Variants in TLN2 observed in about 807,000 individuals in gnomAD.
The protein encoded by TLN2 is talin-2.
In TLN2, 118 loss-of-function variants were observed where a neutral mutation model predicts 294.7. The observed-to-expected ratio is 0.40, with a 90% CI of 0.34 to 0.47. TLN2 has a LOEUF of 0.47. TLN2 is among the 20% of genes least tolerant of loss of function. The probability of loss-of-function intolerance (pLI) is 0.84; values close to 1 mark genes in which losing one functional copy is unlikely to be tolerated. For synonymous variants in TLN2, 1,431 were observed against 1,304.5 expected (o/e 1.10, Z -2.09); for missense variants, 3,083 against 3,282.2 (o/e 0.94, Z 1.48).
chr15:62,755,218 T>C (rs1005612518), intron 36 of TLN2: 11 of 243,374 alleles, frequency 4.5e-5, no homozygotes, highest in African/African-American at 2.3e-4. Context: ...TTGGTCTAGA[T>C]GCTATACCCT....
intron 1 of TLN2, among the ~76,000 whole-genome samples, chr15:62,556,925 GA>G (rs1400494342): frequency 2.6e-5 from 4 of 152,156 alleles, no homozygotes; most frequent in South Asian, 2.1e-4. Context: ...GTAATCAGGG[GA>G]AAATATTTAA....
intron 1 of TLN2, among the ~76,000 whole-genome samples, chr15:62,491,344 A>G (rs957154156): frequency 2.8e-5 from 3 of 106,464 alleles, no homozygotes; most frequent in African/African-American, 9.3e-5. Context: ...AAAAATATAT[A>G]TATATATACA....
intron 1 of TLN2, among the ~76,000 whole-genome samples, chr15:62,407,283 A>G (rs955375): frequency 2.0e-5 from 3 of 152,164 alleles, no homozygotes; most frequent in Non-Finnish European, 2.9e-5. Context: ...TGTATACTAA[A>G]TAGTAGATAA....
At chr15:62,578,068 C>T (rs951642255) in intron 1 of TLN2, among the ~76,000 whole-genome samples, 5 of 152,182 alleles carry the variant, frequency 3.3e-5, no homozygotes, top group African/African-American at 4.8e-5. Flanking sequence ...GTATATGTGC[C>T]GTATTTTCTT....
At chr15:62,513,801 A>G (rs912842487) in intron 1 of TLN2, among the ~76,000 whole-genome samples, 1 of 152,242 alleles carries the variant, frequency 6.6e-6, no homozygotes, top group African/African-American at 2.4e-5. Flanking sequence ...ATAAATATTG[A>G]TGGAATTGCA....
Position 62,842,907 on chromosome 15 carries a change from G to A in TLN2, c.*2297G>A, listed in dbSNP as rs1418756188. The A allele has an allele frequency of 6.6e-6, 1 of 152,218 alleles. No homozygotes were observed. Among genetic ancestry groups the A allele is most frequent in the South Asian group, 2.1e-4 (1 of 4,828 alleles). 9.4% of individuals were successfully genotyped at this position (152,218 alleles called of 1,614,324 possible). ...TCCTTTCCTCATCCACCCTGCACAT[G>A]TGTATGTGAACGGCTTCGTGGCCGG... On this transcript the variant is annotated 3_prime_UTR_variant, in exon 59 of 59. Transcript: ENST00000636159.
chr15:62,655,428 G>A lies in TLN2; in HGVS notation c.518-516G>A, dbSNP rs138866683. Among the ~76,000 whole-genome samples, 581 of 152,192 alleles carry A rather than the reference G, an allele frequency of 3.8e-3. 2 individuals carry two copies. Among genetic ancestry groups the A allele is most frequent in the Middle Eastern group, 0.014 (4 of 292 alleles). On this transcript the variant is annotated intron_variant, in intron 7 of 58. Transcript: ENST00000636159. The stretch of plus-strand genomic sequence containing the variant: ...CCAGCCCCCCTTTAGTGTTGTCTCC[G>A]CTACTCCCTCCATACTTTCATTTTC...
intron 1 of TLN2, among the ~76,000 whole-genome samples, chr15:62,430,893 G>T (rs189750241): frequency 6.7e-6 from 1 of 149,822 alleles, no homozygotes. Context: ...AGTCTCAAAG[G>T]CTTCCTGGAG....
chr15:62,410,144 A>G (rs1053581634), intron 1 of TLN2, among the ~76,000 whole-genome samples: 1 of 152,134 alleles, frequency 6.6e-6, no homozygotes, highest in Non-Finnish European at 1.5e-5. Flanking sequence ...CAGGAGGCTG[A>G]GGCGGGAGAA....
intron 1 of TLN2, among the ~76,000 whole-genome samples, chr15:62,546,999 C>A: frequency 6.6e-6 from 1 of 152,004 alleles, no homozygotes; most frequent in East Asian, 1.9e-4. Context: ...AAAAGACCAG[C>A]GTTAATCAGG....
At chr15:62,820,319 C>T (rs546579514) in intron 53 of TLN2, among the ~76,000 whole-genome samples, 167 bp from the exon 54 acceptor site, 1 of 128,814 alleles carries the variant, frequency 7.8e-6, no homozygotes, top group African/African-American at 2.8e-5. Flanking sequence ...CCACCCCCCA[C>T]CCCCATCCAG....
intron 1 of TLN2, among the ~76,000 whole-genome samples, chr15:62,490,082 T>G (rs1436336100): frequency 2.0e-5 from 3 of 152,186 alleles, no homozygotes; most frequent in Non-Finnish European, 4.4e-5. Context: ...TAACAGACCT[T>G]AGATCTTCAG....
At chr15:62,397,263 T>C (rs1027513791) in intron 1 of TLN2, among the ~76,000 whole-genome samples, 2 of 152,170 alleles carry the variant, frequency 1.3e-5, no homozygotes, top group African/African-American at 4.8e-5. Context: ...ATTTTTTATC[T>C]GAATAATATT....
At chr15:62,621,892 A>C (rs1252107193) in intron 3 of TLN2, among the ~76,000 whole-genome samples, 2 of 152,220 alleles carry the variant, frequency 1.3e-5, no homozygotes, top group East Asian at 3.8e-4. Context: ...GGTCCTCCCA[A>C]CACAGATGGC....
intron 3 of TLN2, chr15:62,645,293 A>G (rs939115380): frequency 9.8e-5 from 15 of 152,386 alleles, no homozygotes; most frequent in African/African-American, 3.6e-4. Flanking sequence ...TGTGTCAGCA[A>G]TCCAGCCACT....
chr15:62,491,088 G>A (rs1425842299), intron 1 of TLN2, among the ~76,000 whole-genome samples: 4 of 152,238 alleles, frequency 2.6e-5, no homozygotes, highest in South Asian at 4.1e-4. Context: ...GTGGGAGGCC[G>A]AGGCAGGCAG....
At chr15:62,640,690 A>G (rs988427894) in intron 3 of TLN2, among the ~76,000 whole-genome samples, 1 of 152,220 alleles carries the variant, frequency 6.6e-6, no homozygotes, top group Non-Finnish European at 1.5e-5. Context: ...GCTGCTTCGC[A>G]CACACACTCA....
At chr15:62,619,824 G>A (rs896115595) in intron 3 of TLN2, among the ~76,000 whole-genome samples, 1 of 152,160 alleles carries the variant, frequency 6.6e-6, no homozygotes, top group Non-Finnish European at 1.5e-5. Context: ...CTGTAGCTAC[G>A]AGAGAACAAA....
At chr15:62,436,230 GGCA>G (rs1194366787) in intron 1 of TLN2, among the ~76,000 whole-genome samples, 1 of 152,184 alleles carries the variant, frequency 6.6e-6, no homozygotes, top group Admixed American at 6.5e-5. Flanking sequence ...CTGAGTTCCA[GGCA>G]CTGTGCTGTG....
Sources: allele counts gnomAD v4.1 joint callset (sites outside exome capture counted in the v4.1 genomes callset), GRCh38; gene constraint gnomAD v4.1.1; transcripts MANE v1.5; gene names NCBI Gene and HGNC (gene_info 2026-07-23, HGNC 2026-07-21).